Variants in PRKG1 observed in about 807,000 individuals in gnomAD.
PRKG1 encodes cGMP-dependent protein kinase 1.
PRKG1 carries 35 observed loss-of-function variants against 88.1 expected under a neutral mutation model. The observed-to-expected ratio is 0.40, with a 90% confidence interval of 0.30 to 0.53. The LOEUF is 0.53. PRKG1 is among the 20% of genes least tolerant of loss of function. The probability of loss-of-function intolerance (pLI) is 0.59; values close to 1 mark genes in which losing one functional copy is unlikely to be tolerated. For missense variants in PRKG1, 540 were observed against 839.8 expected (o/e 0.64, Z 4.41); for synonymous variants, 303 against 292.5 (o/e 1.04, Z -0.37).
At chr10:51,046,016 A>C (rs1021044217) in intron 1 of PRKG1, among the ~76,000 whole-genome samples, 14 of 152,230 alleles carry the variant, frequency 9.2e-5, no homozygotes, top group African/African-American at 3.4e-4. Context: ...TGTAATTCAG[A>C]GACAGACACT....
intron 1 of PRKG1, among the ~76,000 whole-genome samples, chr10:51,006,572 A>T (rs908054532): frequency 1.3e-5 from 2 of 152,174 alleles, no homozygotes; most frequent in African/African-American, 4.8e-5. Context: ...TGCTCATTGA[A>T]ATAGCTCTGA....
chr10:51,835,233 G>C (rs1306186259), intron 4 of PRKG1, among the ~76,000 whole-genome samples: 1 of 152,226 alleles, frequency 6.6e-6, no homozygotes, highest in Non-Finnish European at 1.5e-5. Context: ...TACTTGACAA[G>C]CTGGATGGGA....
chr10:51,045,739 AT>A (rs1843481285), intron 1 of PRKG1, among the ~76,000 whole-genome samples: 1 of 152,228 alleles, frequency 6.6e-6, no homozygotes, highest in Admixed American at 6.5e-5. Context: ...ATGTTATGTC[AT>A]AAAATATTTT....
At chr10:51,155,955 A>G (rs1434284336) in intron 2 of PRKG1, among the ~76,000 whole-genome samples, 2 of 151,992 alleles carry the variant, frequency 1.3e-5, no homozygotes. Flanking sequence ...CCAAGTTGAC[A>G]TGTAAAATTA....
intron 2 of PRKG1, among the ~76,000 whole-genome samples, chr10:51,185,246 G>C (rs1272785562): frequency 6.6e-6 from 1 of 152,032 alleles, no homozygotes; most frequent in Non-Finnish European, 1.5e-5. Context: ...TGAGAATTAA[G>C]ATAATAAAAA....
At chr10:51,687,684 G>A in intron 3 of PRKG1, among the ~76,000 whole-genome samples, 1 of 152,180 alleles carries the variant, frequency 6.6e-6, no homozygotes, top group Admixed American at 6.5e-5. Flanking sequence ...AATGGTGGTG[G>A]CATTCATTCC....
At chr10:51,749,841 A>T (rs1837673548) in intron 3 of PRKG1, among the ~76,000 whole-genome samples, 1 of 152,104 alleles carries the variant, frequency 6.6e-6, no homozygotes, top group Non-Finnish European at 1.5e-5. Context: ...AATAAGGTTT[A>T]TATGACTTTC....
At chr10:51,297,193 G>A (rs1295202024) in intron 2 of PRKG1, among the ~76,000 whole-genome samples, 1 of 152,062 alleles carries the variant, frequency 6.6e-6, no homozygotes, top group Admixed American at 6.5e-5. Context: ...GGGGGAAAAA[G>A]GGCATGTTGT....
intron 9 of PRKG1, among the ~76,000 whole-genome samples, chr10:52,186,073 T>C (rs1839193888): frequency 1.3e-5 from 2 of 152,206 alleles, no homozygotes; most frequent in African/African-American, 2.4e-5. Flanking sequence ...CAATTTTCTG[T>C]GTTAGGCCAC....
chr10:52,098,935 A>T (rs111346273), intron 7 of PRKG1, among the ~76,000 whole-genome samples: 4,497 of 152,330 alleles, frequency 0.03, 106 homozygotes, highest in Middle Eastern at 0.051. Flanking sequence ...ATCCAAATGT[A>T]AAGCTGTATG....
chr10:51,070,306 AAGTT>A (rs1268685274), upstream of PRKG1, among the ~76,000 whole-genome samples: 2 of 152,080 alleles, frequency 1.3e-5, no homozygotes, highest in African/African-American at 4.8e-5. Context: ...GAAGTCAAGG[AAGTT>A]AGTTAATTTT....
At chr10:51,797,193 T>A (rs79560252) in intron 3 of PRKG1, among the ~76,000 whole-genome samples, 2 of 143,570 alleles carry the variant, frequency 1.4e-5, no homozygotes, top group East Asian at 2.0e-4. Context: ...TTTTTTTTTT[T>A]AAATACTGAT....
chr10:51,915,843 C>G (rs190081102), intron 5 of PRKG1, among the ~76,000 whole-genome samples: 9 of 152,108 alleles, frequency 5.9e-5, no homozygotes, highest in African/African-American at 1.9e-4. Context: ...TATAAGGACA[C>G]AAAAAATTTC....
At chr10:52,080,302 T>C (rs1846739450) in intron 7 of PRKG1, among the ~76,000 whole-genome samples, 1 of 152,164 alleles carries the variant, frequency 6.6e-6, no homozygotes, top group Non-Finnish European at 1.5e-5. Flanking sequence ...TCCATGATGT[T>C]TTTTTCATGA....
intron 2 of PRKG1, among the ~76,000 whole-genome samples, chr10:51,334,415 G>A (rs1841822426): frequency 6.6e-6 from 1 of 151,980 alleles, no homozygotes; most frequent in Admixed American, 6.6e-5. Context: ...AAGAAACCGT[G>A]GCCTGGAATA....
At chr10:51,596,247 A>T (rs948508674) in intron 3 of PRKG1, among the ~76,000 whole-genome samples, 4 of 152,186 alleles carry the variant, frequency 2.6e-5, no homozygotes, top group Non-Finnish European at 4.4e-5. Context: ...ATCTGACATG[A>T]GGTTGGTAGT....
chr10:51,246,916 C>G lies in PRKG1; in HGVS notation c.478+93586C>G, dbSNP rs1271532047. On this transcript the variant is annotated intron_variant, in intron 2 of 17. Transcript: ENST00000373980. Reference sequence around the variant, plus strand: ...TGTTATATCTTCCAGTTCTTAAACACTGGCAGCTAACAAAATGAAACATTT... The same window carrying G: ...TGTTATATCTTCCAGTTCTTAAACAGTGGCAGCTAACAAAATGAAACATTT... 2.0e-5 allele frequency among the ~76,000 whole-genome samples: 3 copies of G among 152,026 alleles called. No homozygotes were observed. In the East Asian group the frequency reaches 5.8e-4, roughly 29 times the overall value.
intron 2 of PRKG1, among the ~76,000 whole-genome samples, chr10:51,175,710 T>G (rs1305763164): frequency 6.6e-6 from 1 of 152,082 alleles, no homozygotes; most frequent in Non-Finnish European, 1.5e-5. Context: ...TGACTGGTTC[T>G]CAAAATGTGA....
intron 3 of PRKG1, among the ~76,000 whole-genome samples, chr10:51,635,486 C>T (rs1178095954): frequency 6.6e-6 from 1 of 151,706 alleles, no homozygotes; most frequent in Non-Finnish European, 1.5e-5. Flanking sequence ...AATTTTTTTT[C>T]TTCCCAAAAT....
Sources: gnomAD v4.1 joint callset for allele counts (sites outside exome capture counted in the v4.1 genomes callset) on GRCh38, gnomAD v4.1.1 for gene constraint, MANE v1.5 for transcripts, NCBI Gene and HGNC (gene_info 2026-07-23, HGNC 2026-07-21) for gene names.